The following PTPRR variants were observed in gnomAD, a reference collection of about 807,000 sequenced individuals.
The protein encoded by PTPRR is protein tyrosine phosphatase receptor type R, also known as receptor-type tyrosine-protein phosphatase R.
A neutral mutation model predicts 77.2 loss-of-function variants in PTPRR; 38 were observed. That is an observed-to-expected ratio of 0.49 (90% CI 0.38 to 0.65). The LOEUF is 0.65. Ranked by LOEUF, PTPRR falls within the 30% of genes least tolerant of loss-of-function variation. The pLI, the probability that PTPRR is intolerant of heterozygous loss-of-function variation, is 0.00. For missense variants in PTPRR, 744 were observed against 799.2 expected (o/e 0.93, Z 0.83); for synonymous variants, 299 against 283.1 (o/e 1.06, Z -0.57).
intron 6 of PTPRR, among the ~76,000 whole-genome samples, chr12:70,721,443 G>A (rs1889248345): frequency 6.6e-6 from 1 of 152,190 alleles, no homozygotes; most frequent in Admixed American, 6.5e-5. Context: ...AGAAGAGCAG[G>A]CACACGGTGG....
chr12:70,752,276 T>TAA (rs1488544713), intron 5 of PTPRR, among the ~76,000 whole-genome samples: 2 of 152,206 alleles, frequency 1.3e-5, no homozygotes, highest in Non-Finnish European at 2.9e-5. Flanking sequence ...ATCCACCTGC[T>TAA]AACCCAATAG....
intron 2 of PTPRR, among the ~76,000 whole-genome samples, chr12:70,873,401 G>A (rs1592806966): frequency 6.6e-6 from 1 of 152,140 alleles, no homozygotes; most frequent in Admixed American, 6.5e-5. Flanking sequence ...AGAAACAATT[G>A]CAGAGGAACC....
chr12:70,789,141 G>T (rs1891381199), intron 2 of PTPRR, among the ~76,000 whole-genome samples: 1 of 151,940 alleles, frequency 6.6e-6, no homozygotes, highest in Non-Finnish European at 1.5e-5. Context: ...AACTTTATGG[G>T]CTGTGGACAA....
Position 70,920,400 on chromosome 12 carries a change from A to G in PTPRR, c.-10T>C, listed in dbSNP as rs201765684. 340 of 1,612,236 alleles carry G rather than the reference A, an allele frequency of 2.1e-4. 1 individual carries two copies. The highest frequency in any genetic ancestry group is 4.2e-4 in the Admixed American group (25 of 59,954). ...AGACTGCTCTCCGCATAGTGTTTGC[A>G]TTGAGAGGTGGAGGAGAAACTCCAC... On this transcript the variant is annotated 5_prime_UTR_variant, in exon 1 of 14. The change abolishes an upstream ATG in the 5' untranslated region. Coordinates refer to ENST00000283228, the MANE Select transcript of PTPRR (RefSeq NM_002849.4).
At chr12:70,861,350 T>G (rs1213302741) in intron 2 of PTPRR, among the ~76,000 whole-genome samples, 1 of 152,112 alleles carries the variant, frequency 6.6e-6, no homozygotes, top group Non-Finnish European at 1.5e-5. Flanking sequence ...TAAAATTAGT[T>G]TCACATGTGG....
At position 70,887,370 on chromosome 12, in the gene PTPRR, T is replaced by TGGAGGCAGGA. The variant is rs1893257790; in HGVS notation, c.357+5308_357+5309insTCCTGCCTCC. Among the ~76,000 whole-genome samples, 5 of 152,198 alleles carry TGGAGGCAGGA rather than the reference T, an allele frequency of 3.3e-5. No homozygotes were observed. The South Asian group carries it at 1.0e-3, about 32-fold the overall frequency. ...GAGAGGCTGAGGCAGGAGAATTGCT[T>TGGAGGCAGGA]GAACCCAGGAGGCGAAGGTTGCAGT... On this transcript the variant is annotated intron_variant, in intron 2 of 13. Coordinates refer to ENST00000283228, the MANE Select transcript of PTPRR (RefSeq NM_002849.4).
intron 8 of PTPRR, among the ~76,000 whole-genome samples, chr12:70,697,410 G>A (rs1213062017): frequency 1.4e-5 from 2 of 147,970 alleles, no homozygotes; most frequent in East Asian, 3.9e-4. Flanking sequence ...TTTTTGGGTT[G>A]TTTGTGTTTC....
intron 2 of PTPRR, among the ~76,000 whole-genome samples, chr12:70,805,932 G>A (rs12306222): frequency 0.011 from 1,644 of 152,336 alleles, 16 homozygotes; most frequent in Middle Eastern, 0.031. Flanking sequence ...CATATAGCAT[G>A]TGTGGGTCTT....
intron 1 of PTPRR, among the ~76,000 whole-genome samples, chr12:70,895,595 T>C (rs1224355043): frequency 1.3e-5 from 2 of 151,602 alleles, no homozygotes; most frequent in African/African-American, 4.8e-5. Context: ...AATTTCATAG[T>C]GCTGTCCTTA....
At chr12:70,908,786 A>G (rs1893660727) in intron 1 of PTPRR, among the ~76,000 whole-genome samples, 1 of 152,100 alleles carries the variant, frequency 6.6e-6, no homozygotes, top group South Asian at 2.1e-4. Flanking sequence ...CTGCTATTCC[A>G]TCTCGTTCTT....
At chr12:70,705,934 A>C (rs911167691) in intron 6 of PTPRR, among the ~76,000 whole-genome samples, 1 of 152,054 alleles carries the variant, frequency 6.6e-6, no homozygotes, top group Non-Finnish European at 1.5e-5. Flanking sequence ...TGATCATAAA[A>C]GGTGACCTTA....
chr12:70,806,522 G>T (rs1434457694), intron 2 of PTPRR, among the ~76,000 whole-genome samples: 1 of 152,132 alleles, frequency 6.6e-6, no homozygotes, highest in East Asian at 1.9e-4. Flanking sequence ...ACTACTGAAA[G>T]TTAAACCATT....
At chr12:70,767,889 A>C (rs888091626) in intron 2 of PTPRR, among the ~76,000 whole-genome samples, 108 of 152,154 alleles carry the variant, frequency 7.1e-4, no homozygotes, top group South Asian at 1.2e-3. Flanking sequence ...TACATGGAAA[A>C]TGAACAACCT....
At chr12:70,882,211 A>G (rs1893160615) in intron 2 of PTPRR, among the ~76,000 whole-genome samples, 1 of 152,194 alleles carries the variant, frequency 6.6e-6, no homozygotes, top group African/African-American at 2.4e-5. Context: ...CAAATCTAGA[A>G]GCTTTGTCAT....
chr12:70,866,854 C>T (rs1473530041), intron 2 of PTPRR, among the ~76,000 whole-genome samples: 1 of 151,922 alleles, frequency 6.6e-6, no homozygotes, highest in Non-Finnish European at 1.5e-5. Context: ...GGGCTTCATC[C>T]CTGGGATGCA....
intron 2 of PTPRR, among the ~76,000 whole-genome samples, chr12:70,777,209 T>G (rs532660013): frequency 6.6e-6 from 1 of 152,232 alleles, no homozygotes; most frequent in African/African-American, 2.4e-5. Flanking sequence ...TTATAATTTC[T>G]TATTTTTAAC....
At position 70,892,899 on chromosome 12, in the gene PTPRR, T is replaced by G; in HGVS notation, c.137A>C (p.His46Pro). Residue 46 changes from histidine (H) to proline (P), a missense_variant, in exon 2 of 14, where the codon CAT (histidine) becomes CCT (proline). His to Pro is a moderately conservative substitution (Grantham distance 77, BLOSUM62 -2). Around this residue, in one of 3 missense-constraint regions of PTPRR, gnomAD observed 570 missense variants for 573.2 expected, o/e 0.99. Coordinates refer to ENST00000283228, the MANE Select transcript of PTPRR (RefSeq NM_002849.4). Reference protein sequence around the residue: ...KSGKPVFIYKHSQDIEKSLDI... With the variant: ...KSGKPVFIYKPSQDIEKSLDI... ...CAGGCTCTTCTCAATGTCTTGTGAA[T>G]GCTTATAAATGAATACCGGCTTCCC... 6.2e-7 allele frequency: 1 copy of G among 1,613,592 alleles called. No individual in the cohort carries two copies. Among genetic ancestry groups the G allele is most frequent in the South Asian group, 1.1e-5 (1 of 91,076 alleles).
Position 70,764,671 on chromosome 12 carries a change from G to A in PTPRR, c.465C>T (p.Arg155=). ...GLLPQQVHIN[R]LIGKKNSIEL... ...CGAAATGTGGGTATCTTACAATGAG[G>A]CGATTGATGTGCACTTGCTGGGGTA... The change falls in exon 3 of 14, where the codon CGC becomes CGT. Residue 155 remains arginine (R), a synonymous_variant. Coordinates refer to ENST00000283228, the MANE Select transcript of PTPRR (RefSeq NM_002849.4). 6.2e-7 allele frequency: 1 copy of A among 1,610,978 alleles called. No homozygotes were observed.
intron 6 of PTPRR, among the ~76,000 whole-genome samples, chr12:70,737,514 C>CTATT (rs1889907397): frequency 6.6e-6 from 1 of 151,616 alleles, no homozygotes; most frequent in South Asian, 2.1e-4. Context: ...ATCTATCTAT[C>CTATT]TATCTATCTA....
Sources: allele counts gnomAD v4.1 joint callset (sites outside exome capture counted in the v4.1 genomes callset), GRCh38; gene constraint gnomAD v4.1.1; regional missense constraint gnomAD v4.1.1; transcripts MANE v1.5; gene names NCBI Gene and HGNC (gene_info 2026-07-23, HGNC 2026-07-21).